The following ING3 variants were observed in gnomAD, a reference collection of about 807,000 sequenced individuals.
ING3 encodes the protein inhibitor of growth protein 3.
In ING3, 6 loss-of-function variants were observed where a neutral mutation model predicts 64.8. The ratio of observed to expected loss-of-function variants is 0.09; its 90% CI spans 0.05 to 0.18. The LOEUF (loss-of-function observed/expected upper bound fraction) is 0.18, where lower values mean the gene tolerates loss of function less well. Among genes scored for constraint, ING3 ranks in the 10% least tolerant of loss-of-function variants. The pLI, the probability that ING3 is intolerant of heterozygous loss-of-function variation, is 1.00. For missense variants in ING3, 310 were observed against 489.7 expected (o/e 0.63, Z 3.46); for synonymous variants, 170 against 173.7 (o/e 0.98, Z 0.17).
chr7:120,959,074 G>C (rs1055956057), intron 4 of ING3, among the ~76,000 whole-genome samples: 5 of 152,066 alleles, frequency 3.3e-5, no homozygotes, highest in African/African-American at 7.2e-5. Context: ...ATTACCATGT[G>C]ACTGCCTGCT....
At chr7:120,970,538 A>T in intron 9 of ING3, 150 bp from the exon 10 acceptor site, 1 of 728,332 alleles carries the variant, frequency 1.4e-6, no homozygotes, top group Non-Finnish European at 2.2e-6. Flanking sequence ...AGTACTACCT[A>T]CAATTTAAGT....
chr7:120,974,681 G>A (rs908506170), intron 11 of ING3, 47 bp from the exon 12 acceptor site: 10 of 1,012,284 alleles, frequency 9.9e-6, no homozygotes, highest in African/African-American at 7.9e-5. Flanking sequence ...ATACTCTCTT[G>A]TCTTCAGAAG....
chr7:120,951,657 G>T (rs1795767693), intron 2 of ING3, among the ~76,000 whole-genome samples: 1 of 152,186 alleles, frequency 6.6e-6, no homozygotes, highest in Non-Finnish European at 1.5e-5. Context: ...GGAAAGCACA[G>T]AAGCAGAGGT....
chr7:120,972,371 T>A (rs1045025906), intron 10 of ING3, among the ~76,000 whole-genome samples: 1 of 152,194 alleles, frequency 6.6e-6, no homozygotes, highest in Non-Finnish European at 1.5e-5. Context: ...TTTTTAAAAA[T>A]TTTAACAATT....
At chr7:120,957,449 T>C (rs1476106240) in intron 4 of ING3, among the ~76,000 whole-genome samples, 1 of 151,218 alleles carries the variant, frequency 6.6e-6, no homozygotes, top group Non-Finnish European at 1.5e-5. Flanking sequence ...GGGGCAGACA[T>C]ACCTGCAAAC....
intron 6 of ING3, among the ~76,000 whole-genome samples, chr7:120,967,230 T>C (rs1796008371): frequency 6.6e-6 from 1 of 152,182 alleles, no homozygotes; most frequent in African/African-American, 2.4e-5. Flanking sequence ...GGGAAACTAT[T>C]TTAAGTGGTA....
At chr7:120,958,989 A>G (rs533176372) in intron 4 of ING3, among the ~76,000 whole-genome samples, 2 of 152,304 alleles carry the variant, frequency 1.3e-5, no homozygotes, top group South Asian at 4.1e-4. Context: ...GACAGCTTCA[A>G]TTCTTTTTAA....
rs1192350317 is a variant in ING3 at position 120,969,217 on chromosome 7, G to A, written c.908+13G>A. 6.2e-7 allele frequency: 1 copy of A among 1,607,796 alleles called. No individual in the cohort carries two copies. The highest frequency in any genetic ancestry group is 1.7e-5 in the Admixed American group (1 of 59,632). On this transcript the variant is annotated intron_variant, in intron 9 of 11. Transcript: ENST00000315870. ...GTCGAAAGAGCAAGTAAGTTTTATT[G>A]TTACAGTAGCCCTATACCTTTACTG...
chr7:120,953,810 A>C (rs1273752858), intron 3 of ING3, among the ~76,000 whole-genome samples: 1 of 152,202 alleles, frequency 6.6e-6, no homozygotes, highest in Non-Finnish European at 1.5e-5. Flanking sequence ...CGAAATCTTA[A>C]AAGTTAGAAG....
At chr7:120,970,650 G>A in intron 9 of ING3, 38 bp from the exon 10 acceptor site, 3 of 1,604,506 alleles carry the variant, frequency 1.9e-6, no homozygotes, top group Non-Finnish European at 2.6e-6. Flanking sequence ...GTTAACTTCT[G>A]GATGGTGAGC....
intron 4 of ING3, among the ~76,000 whole-genome samples, chr7:120,957,750 A>C (rs1432883923): frequency 6.6e-6 from 1 of 152,212 alleles, no homozygotes; most frequent in Admixed American, 6.5e-5. Flanking sequence ...GAAGTAATAA[A>C]GGCGAGGTAG....
chr7:120,951,066 C>T (rs188626385), intron 1 of ING3, 98 bp from the exon 2 acceptor site: 21,484 of 1,520,938 alleles, frequency 0.014, 203 homozygotes, highest in Non-Finnish European at 0.017. Flanking sequence ...TCGTTGTGGG[C>T]TGCCGGCCCC....
chr7:120,967,543 C>G lies in ING3; in HGVS notation c.451C>G (p.Pro151Ala), dbSNP rs1280201982. The G allele has an allele frequency of 6.4e-7, 1 of 1,550,520 alleles. No homozygotes were observed. Among genetic ancestry groups the G allele is most frequent in the South Asian group, 1.2e-5 (1 of 83,484 alleles). The change falls in exon 7 of 12, where the codon CCA becomes GCA. Residue 151 changes from proline to alanine, a missense_variant. Transcript: ENST00000315870. ...HTPVEKRKYN[P>A]TSHHTTTDHI... Reference sequence around the variant, plus strand: ...TTTATATTTAGAAAGGAAATATAATCCAACTTCTCACCATACGACAACAGA... The same window carrying G: ...TTTATATTTAGAAAGGAAATATAATGCAACTTCTCACCATACGACAACAGA...
Position 120,968,993 on chromosome 7 carries a change from A to G in ING3, c.715-18A>G, listed in dbSNP as rs750496813. On this transcript the variant is annotated intron_variant, in intron 8 of 11. Transcript: ENST00000315870. Reference sequence around the variant, plus strand: ...CATATTTACATATATTGATGCTATCAATGAATGTCTATTTAAGATGAAGGA... The same window carrying G: ...CATATTTACATATATTGATGCTATCGATGAATGTCTATTTAAGATGAAGGA... The G allele has an allele frequency of 5.2e-6, 8 of 1,539,670 alleles. No homozygotes were observed. The highest frequency in any genetic ancestry group is 5.3e-6 in the Non-Finnish European group (6 of 1,121,498).
intron 6 of ING3, 25 bp downstream of exon 6, chr7:120,966,722 G>A: frequency 6.4e-7 from 1 of 1,557,344 alleles, no homozygotes; most frequent in Non-Finnish European, 8.9e-7. Flanking sequence ...GTGCAGCTAA[G>A]TTTTAAAAAC....
intron 2 of ING3, among the ~76,000 whole-genome samples, chr7:120,951,446 A>C (rs902278303): frequency 2.0e-5 from 3 of 152,196 alleles, no homozygotes; most frequent in Non-Finnish European, 4.4e-5. Context: ...AGCAGGAGGC[A>C]TTGGGACACG....
rs535658797 is a variant in ING3 at position 120,964,389 on chromosome 7, A to G, written c.268-353A>G. ...ATTAGGCTCTAAGTAATCACAGGGC[A>G]TATTATGAAAAGTGACCAGCCTCCA... On this transcript the variant is annotated intron_variant, in intron 4 of 11. Coordinates refer to ENST00000315870, the MANE Select transcript of ING3 (RefSeq NM_019071.3). Among the ~76,000 whole-genome samples the G allele has an allele frequency of 2.6e-5, 4 of 152,290 alleles. No homozygotes were observed. The South Asian group carries it at 8.3e-4, about 32-fold the overall frequency.
intron 2 of ING3, 24 bp downstream of exon 2, chr7:120,951,259 C>T (rs1318917289): frequency 6.2e-7 from 1 of 1,611,072 alleles, no homozygotes; most frequent in Admixed American, 1.7e-5. Flanking sequence ...TCTACTACTC[C>T]TGTTCGCTGC....
At chr7:120,960,296 T>C (rs184574679) in intron 4 of ING3, among the ~76,000 whole-genome samples, 59 of 152,160 alleles carry the variant, frequency 3.9e-4, no homozygotes, top group African/African-American at 1.1e-3. Flanking sequence ...AGCTAATGCA[T>C]GGGGGCCTTG....
Sources: allele counts gnomAD v4.1 joint callset (sites outside exome capture counted in the v4.1 genomes callset), GRCh38; gene constraint gnomAD v4.1.1; transcripts MANE v1.5; gene names NCBI Gene and HGNC (gene_info 2026-07-23, HGNC 2026-07-21).